The following SNTG1 variants were observed in gnomAD, a reference collection of about 807,000 sequenced individuals.
SNTG1 encodes gamma-1-syntrophin.
A neutral mutation model predicts 74.7 loss-of-function variants in SNTG1; 39 were observed. The observed-to-expected ratio is 0.52, with a 90% confidence interval of 0.40 to 0.68. The LOEUF (loss-of-function observed/expected upper bound fraction) is 0.68, where lower values mean the gene tolerates loss of function less well. Among genes scored for constraint, SNTG1 ranks in the 30% least tolerant of loss-of-function variants. SNTG1 has a pLI of 0.00. For synonymous variants in SNTG1, 254 were observed against 217.1 expected (o/e 1.17, Z -1.49); for missense variants, 685 against 609.5 (o/e 1.12, Z -1.30).
intron 2 of SNTG1, among the ~76,000 whole-genome samples, chr8:50,345,696 T>C (rs2130964135): frequency 6.6e-6 from 1 of 152,354 alleles, no homozygotes; most frequent in East Asian, 1.9e-4. Flanking sequence ...CTATAGACGT[T>C]TATCAATTTT....
At chr8:50,364,703 C>T (rs1453155997) in intron 2 of SNTG1, among the ~76,000 whole-genome samples, 1 of 151,540 alleles carries the variant, frequency 6.6e-6, no homozygotes, top group Non-Finnish European at 1.5e-5. Flanking sequence ...ATCTGCTTTC[C>T]TATAGGCCTT....
chr8:50,608,012 C>A (rs971363578), intron 13 of SNTG1, among the ~76,000 whole-genome samples: 10 of 151,400 alleles, frequency 6.6e-5, no homozygotes, highest in Admixed American at 2.6e-4. Context: ...TTTTGGAGCT[C>A]CCCTATTTTA....
intron 12 of SNTG1, among the ~76,000 whole-genome samples, chr8:50,579,862 G>A (rs1339253009): frequency 6.6e-6 from 1 of 152,234 alleles, no homozygotes; most frequent in Non-Finnish European, 1.5e-5. Flanking sequence ...CCCTCATGGA[G>A]AATCTCTGCT....
At chr8:50,683,674 G>T (rs2095340285) in intron 15 of SNTG1, among the ~76,000 whole-genome samples, 2 of 152,092 alleles carry the variant, frequency 1.3e-5, no homozygotes, top group South Asian at 4.1e-4. Context: ...ATATCCCATG[G>T]TGGCCAGATC....
chr8:50,180,971 C>G (rs2083185841), intron 2 of SNTG1, among the ~76,000 whole-genome samples: 1 of 152,002 alleles, frequency 6.6e-6, no homozygotes, highest in Non-Finnish European at 1.5e-5. Context: ...ACCATGTTGG[C>G]CAGTCTGGTC....
At chr8:50,514,192 C>T (rs1339101923) in intron 9 of SNTG1, among the ~76,000 whole-genome samples, 3 of 152,004 alleles carry the variant, frequency 2.0e-5, no homozygotes, top group Non-Finnish European at 4.4e-5. Context: ...TACTGTATTT[C>T]TTTTTTCCAC....
At chr8:50,032,656 G>T (rs1817830889) in intron 1 of SNTG1, among the ~76,000 whole-genome samples, 1 of 152,086 alleles carries the variant, frequency 6.6e-6, no homozygotes, top group African/African-American at 2.4e-5. Context: ...CCAGTTTGCT[G>T]TGTCTTCTTA....
chr8:50,181,379 T>C (rs369382591), intron 2 of SNTG1, among the ~76,000 whole-genome samples: 1 of 152,214 alleles, frequency 6.6e-6, no homozygotes, highest in Non-Finnish European at 1.5e-5. Flanking sequence ...ATTGCTTTAA[T>C]ATAATTTCAG....
chr8:49,941,564 C>T (rs1364994091), intron 1 of SNTG1, among the ~76,000 whole-genome samples: 1 of 150,092 alleles, frequency 6.7e-6, no homozygotes, highest in African/African-American at 2.4e-5. Context: ...TTTGAAATGG[C>T]TCTGAAGCTG....
At chr8:50,296,472 A>T (rs961682938) in intron 2 of SNTG1, among the ~76,000 whole-genome samples, 2 of 152,184 alleles carry the variant, frequency 1.3e-5, no homozygotes, top group African/African-American at 4.8e-5. Context: ...AATGACATGG[A>T]TGAAGCTGGA....
intron 2 of SNTG1, among the ~76,000 whole-genome samples, chr8:50,348,826 T>C (rs2091561089): frequency 6.6e-6 from 1 of 152,220 alleles, no homozygotes; most frequent in Non-Finnish European, 1.5e-5. Context: ...TCCATCATCA[T>C]GTCTATTTTA....
In SNTG1 at chr8:50,036,757, C is replaced by T. The variant is rs566385865; in HGVS notation, c.-103+124526C>T. Among the ~76,000 whole-genome samples the T allele has an allele frequency of 1.1e-4, 16 of 152,274 alleles. No homozygotes were observed. In the South Asian group the frequency reaches 2.5e-3, roughly 24 times the overall value. Reference sequence around the variant, plus strand: ...GGCTAAAAACCAAACTCCTCTTCTTCGGCTGAAGTAAGCATTCTCTGTAAG... The same window carrying T: ...GGCTAAAAACCAAACTCCTCTTCTTTGGCTGAAGTAAGCATTCTCTGTAAG... On this transcript the variant is annotated intron_variant, in intron 1 of 18. Coordinates refer to ENST00000642720, the MANE Select transcript of SNTG1 (RefSeq NM_018967.5).
chr8:49,982,134 A>G (rs13266009), intron 1 of SNTG1, among the ~76,000 whole-genome samples: 78,816 of 152,032 alleles, frequency 0.52, 23,951 homozygotes, highest in East Asian at 0.83. Context: ...TCCTAGTTCC[A>G]CATGAAATCA....
At chr8:50,198,122 AG>A (rs1198253225) in intron 2 of SNTG1, among the ~76,000 whole-genome samples, 1 of 152,074 alleles carries the variant, frequency 6.6e-6, no homozygotes, top group East Asian at 1.9e-4. Flanking sequence ...CTGTGCCCAG[AG>A]CGCAGGTGAA....
rs1261808203 is a variant in SNTG1, at chr8:50,032,791, TA to T, written c.-103+120561del. On this transcript the variant is annotated intron_variant, in intron 1 of 18. Coordinates refer to ENST00000642720, the MANE Select transcript of SNTG1 (RefSeq NM_018967.5). ...GGCTAATCTTTTAACACTATACATA[TA>T]TTTTTTTTCATGTTGCTCACCTGCT... Among the ~76,000 whole-genome samples, 10 of 152,266 alleles carry T rather than the reference TA, an allele frequency of 6.6e-5. 1 individual carries two copies. In the East Asian group the frequency reaches 1.2e-3, roughly 18 times the overall value.
Position 49,938,603 on chromosome 8 carries a change from T to TTTTCTTTTTTTTCTTTTCTTTTTC in SNTG1, c.-103+26379_-103+26380insTTTTTCTTTTCTTTTTCTTTCTTT. On this transcript the variant is annotated intron_variant, in intron 1 of 18. Coordinates refer to ENST00000642720, the MANE Select transcript of SNTG1 (RefSeq NM_018967.5). ...TTTTCTTTTCTTTTCTTTTCTTTTC[T>TTTTCTTTTTTTTCTTTTCTTTTTC]TTTCTTTCTTTCTTTCTTTCTTTCT... 4.0e-5 allele frequency among the ~76,000 whole-genome samples: 3 copies of TTTTCTTTTTTTTCTTTTCTTTTTC among 74,754 alleles called. 1 individual carries two copies. The highest frequency in any genetic ancestry group is 9.1e-5 in the African/African-American group (2 of 22,098). The allele number at this position is 74,754 out of a possible 152,430, so 49.0% of individuals were successfully genotyped here.
chr8:50,357,709 C>G (rs1457146121), intron 2 of SNTG1, among the ~76,000 whole-genome samples: 1 of 152,130 alleles, frequency 6.6e-6, no homozygotes, highest in Non-Finnish European at 1.5e-5. Context: ...TCTCATGTCA[C>G]CTAGAATATT....
At chr8:50,179,758 T>C (rs780726919) in intron 2 of SNTG1, among the ~76,000 whole-genome samples, 14 of 152,160 alleles carry the variant, frequency 9.2e-5, no homozygotes, top group Non-Finnish European at 1.6e-4. Flanking sequence ...AAGATGGCTA[T>C]AATAAAAATG....
At chr8:50,760,391 G>A (rs192860946) in intron 18 of SNTG1, among the ~76,000 whole-genome samples, 1 of 152,204 alleles carries the variant, frequency 6.6e-6, no homozygotes, top group East Asian at 1.9e-4. Flanking sequence ...TAAGAGTGGT[G>A]AGAGAGGGCA....
Sources: allele counts gnomAD v4.1 joint callset (sites outside exome capture counted in the v4.1 genomes callset), GRCh38; gene constraint gnomAD v4.1.1; transcripts MANE v1.5; gene names NCBI Gene and HGNC (gene_info 2026-07-23, HGNC 2026-07-21).